The following CNTNAP5 variants were observed in gnomAD, a reference collection of about 807,000 sequenced individuals.
CNTNAP5 encodes contactin associated protein family member 5, also known as contactin-associated protein-like 5.
A neutral mutation model predicts 150.2 loss-of-function variants in CNTNAP5; 72 were observed. The observed-to-expected ratio is 0.48, with a 90% CI of 0.40 to 0.58. The LOEUF (loss-of-function observed/expected upper bound fraction) is 0.58, where lower values mean the gene tolerates loss of function less well. Ranked by LOEUF, CNTNAP5 falls within the 20% of genes least tolerant of loss-of-function variation. The probability of loss-of-function intolerance (pLI) is 0.00; values close to 1 mark genes in which losing one functional copy is unlikely to be tolerated. For synonymous variants in CNTNAP5, 672 were observed against 619.8 expected, an observed-to-expected ratio of 1.08 and a Z score of -1.25; for missense variants, 1,636 against 1,626.2, an observed-to-expected ratio of 1.01 and a Z score of -0.10.
Position 124,919,178 on chromosome 2 carries a change from T to A in CNTNAP5, c.*4890T>A, listed in dbSNP as rs569358816. 2.0e-4 allele frequency among the ~76,000 whole-genome samples: 31 copies of A among 152,170 alleles called. No individual in the cohort carries two copies. The highest frequency in any genetic ancestry group is 6.8e-3 in the Middle Eastern group (2 of 294). ...TGTACAAATAGGGCTGTTATTCAAC[T>A]TTTCTCTTGAACATTCTACATACAT... On this transcript the variant is annotated 3_prime_UTR_variant, in exon 24 of 24. Transcript: ENST00000682447.
intron 1 of CNTNAP5, among the ~76,000 whole-genome samples, chr2:124,184,629 C>T (rs1407907673): frequency 6.6e-6 from 1 of 152,146 alleles, no homozygotes; most frequent in Non-Finnish European, 1.5e-5. Context: ...AAGGGACAAC[C>T]TATTAAAATC....
intron 1 of CNTNAP5, among the ~76,000 whole-genome samples, chr2:124,047,856 A>C (rs1681580211): frequency 1.3e-5 from 2 of 152,128 alleles, no homozygotes; most frequent in Admixed American, 1.3e-4. Context: ...ACCTGCCTTC[A>C]TGCCACTTAG....
intron 14 of CNTNAP5, among the ~76,000 whole-genome samples, chr2:124,753,147 T>C (rs961242012): frequency 1.3e-5 from 2 of 152,132 alleles, no homozygotes; most frequent in African/African-American, 2.4e-5. Flanking sequence ...ATGGCAAAAA[T>C]AGGAAGAGAA....
intron 11 of CNTNAP5, among the ~76,000 whole-genome samples, chr2:124,607,314 T>C (rs1677262229): frequency 6.6e-6 from 1 of 152,116 alleles, no homozygotes; most frequent in South Asian, 2.1e-4. Context: ...TTGGTGCCCA[T>C]TCTCAGGGCA....
At chr2:124,869,245 A>G (rs756483036) in intron 20 of CNTNAP5, among the ~76,000 whole-genome samples, 73 of 152,162 alleles carry the variant, frequency 4.8e-4, no homozygotes, top group Non-Finnish European at 2.8e-4. Context: ...TTATGGGACA[A>G]TGGGGACAGT....
chr2:124,848,202 A>C (rs1291779500), intron 19 of CNTNAP5, among the ~76,000 whole-genome samples: 1 of 152,174 alleles, frequency 6.6e-6, no homozygotes, highest in Non-Finnish European at 1.5e-5. Context: ...AGTCCCTGGA[A>C]ACCGCTATTC....
intron 21 of CNTNAP5, among the ~76,000 whole-genome samples, chr2:124,881,520 C>T (rs1677963988): frequency 2.0e-5 from 3 of 152,082 alleles, no homozygotes; most frequent in African/African-American, 7.2e-5. Flanking sequence ...AAGCTGATAC[C>T]TTACCCTCTT....
chr2:124,182,804 C>A (rs937816592), intron 1 of CNTNAP5, among the ~76,000 whole-genome samples: 1 of 152,068 alleles, frequency 6.6e-6, no homozygotes, highest in African/African-American at 2.4e-5. Context: ...TCTTTAGTAC[C>A]CATGAAGCTA....
intron 8 of CNTNAP5, among the ~76,000 whole-genome samples, chr2:124,514,006 G>A (rs901706724): frequency 7.9e-5 from 12 of 152,140 alleles, no homozygotes; most frequent in Non-Finnish European, 1.8e-4. Context: ...TTAATGCCTC[G>A]GTATTTGAGC....
At chr2:124,219,307 T>A (rs1380376769) in intron 1 of CNTNAP5, among the ~76,000 whole-genome samples, 1 of 152,122 alleles carries the variant, frequency 6.6e-6, no homozygotes, top group Non-Finnish European at 1.5e-5. Context: ...ATTTCATCAG[T>A]CACACATAAG....
intron 10 of CNTNAP5, among the ~76,000 whole-genome samples, chr2:124,552,875 C>T (rs557338412): frequency 3.9e-5 from 6 of 152,242 alleles, no homozygotes; most frequent in South Asian, 2.1e-4. Context: ...ACGTACTATT[C>T]GTTTTAATGT....
chr2:124,670,225 CTTTCTTTCTTTCT>C (rs1395996727), intron 13 of CNTNAP5, among the ~76,000 whole-genome samples: 1 of 145,790 alleles, frequency 6.9e-6, no homozygotes, highest in Non-Finnish European at 1.5e-5. Flanking sequence ...CTCTTTCTTT[CTTTCTTTCTTTCT>C]TTTCTTTCTT....
At chr2:124,863,497 T>C (rs1303376226) in intron 19 of CNTNAP5, among the ~76,000 whole-genome samples, 4 of 152,178 alleles carry the variant, frequency 2.6e-5, no homozygotes, top group Admixed American at 1.3e-4. Flanking sequence ...AGAAAGAGAA[T>C]GAACCAGGAA....
chr2:124,406,806 C>G (rs1480878578), intron 3 of CNTNAP5, among the ~76,000 whole-genome samples: 1 of 152,162 alleles, frequency 6.6e-6, no homozygotes, highest in Non-Finnish European at 1.5e-5. Context: ...TTTCTTCTAT[C>G]TAACTACATG....
intron 3 of CNTNAP5, among the ~76,000 whole-genome samples, chr2:124,361,786 GGT>G (rs1296463598): frequency 2.0e-5 from 3 of 152,226 alleles, no homozygotes; most frequent in African/African-American, 7.2e-5. Flanking sequence ...TGCCCCCAGA[GGT>G]GGAGCCTACA....
chr2:124,324,436 A>C (rs887797476), intron 3 of CNTNAP5, among the ~76,000 whole-genome samples: 2 of 152,174 alleles, frequency 1.3e-5, no homozygotes, highest in African/African-American at 2.4e-5. Flanking sequence ...AAGAAAGTGG[A>C]ACTTGGAGAA....
At chr2:124,084,775 C>T (rs1018016032) in intron 1 of CNTNAP5, among the ~76,000 whole-genome samples, 2 of 151,708 alleles carry the variant, frequency 1.3e-5, no homozygotes, top group African/African-American at 4.8e-5. Context: ...TGACATATTC[C>T]ACCTTTCCTA....
At chr2:124,493,981 CA>C (rs1694090784) in intron 7 of CNTNAP5, among the ~76,000 whole-genome samples, 3 of 151,122 alleles carry the variant, frequency 2.0e-5, no homozygotes, top group African/African-American at 7.3e-5. Context: ...CACACACACA[CA>C]CACACACACA....
At chr2:124,067,626 A>C (rs1435834115) in intron 1 of CNTNAP5, among the ~76,000 whole-genome samples, 1 of 152,206 alleles carries the variant, frequency 6.6e-6, no homozygotes, top group Non-Finnish European at 1.5e-5. Flanking sequence ...AGCATGAGTA[A>C]CTTTTTTTTT....
Sources: allele counts gnomAD v4.1 joint callset (sites outside exome capture counted in the v4.1 genomes callset), GRCh38; gene constraint gnomAD v4.1.1; transcripts MANE v1.5; gene names NCBI Gene and HGNC (gene_info 2026-07-23, HGNC 2026-07-21).